The following SYNPR variants were observed in gnomAD, a reference collection of about 807,000 sequenced individuals.
SYNPR encodes the protein synaptoporin.
SYNPR carries 23 observed loss-of-function variants against 32.9 expected under a neutral mutation model. The ratio of observed to expected loss-of-function variants is 0.70; its 90% confidence interval spans 0.50 to 0.99. SYNPR has a LOEUF of 0.99. Among genes scored for constraint, SYNPR ranks in the 50% least tolerant of loss-of-function variants. The pLI is 0.00. For synonymous variants in SYNPR, 146 were observed against 135.9 expected, an observed-to-expected ratio of 1.07 and a Z score of -0.52; for missense variants, 318 against 349.3, an observed-to-expected ratio of 0.91 and a Z score of 0.71.
chr3:63,426,279 A>G (rs1468953879), intron 2 of SYNPR, among the ~76,000 whole-genome samples: 1 of 152,226 alleles, frequency 6.6e-6, no homozygotes, highest in African/African-American at 2.4e-5. Flanking sequence ...ATTGTACCAC[A>G]AATTACTTTC....
At chr3:63,491,497 C>T (rs574131270) in intron 3 of SYNPR, among the ~76,000 whole-genome samples, 2 of 152,152 alleles carry the variant, frequency 1.3e-5, no homozygotes, top group South Asian at 4.2e-4. Context: ...GGCTTTTACA[C>T]TTTTAAAGGT....
chr3:63,311,842 T>C (rs1420755365), intron 2 of SYNPR, among the ~76,000 whole-genome samples: 1 of 152,040 alleles, frequency 6.6e-6, no homozygotes, highest in Admixed American at 6.6e-5. Flanking sequence ...TTATTTTAAA[T>C]TTAATACCCT....
At chr3:63,314,099 C>CCATATATAT in intron 2 of SYNPR, among the ~76,000 whole-genome samples, 1 of 111,246 alleles carries the variant, frequency 9.0e-6, no homozygotes, top group Non-Finnish European at 1.9e-5. Flanking sequence ...ATATATATAT[C>CCATATATAT]ACAGTTTCTT....
chr3:63,511,306 A>G (rs1252592815), intron 3 of SYNPR, among the ~76,000 whole-genome samples: 2 of 152,058 alleles, frequency 1.3e-5, no homozygotes, highest in Non-Finnish European at 2.9e-5. Context: ...AAGAAAGAGG[A>G]GGAGTTCATA....
chr3:63,361,897 G>GAAA (rs1337732859), intron 2 of SYNPR, among the ~76,000 whole-genome samples: 1 of 152,084 alleles, frequency 6.6e-6, no homozygotes, highest in African/African-American at 2.4e-5. Context: ...GGCAACTCCT[G>GAAA]AAAAAATAGC....
In SYNPR at chr3:63,415,990, G is replaced by T. The variant is rs73849117; in HGVS notation, c.85-64842G>T. ...CTGTTACTCTCAGAAAGCAACAGAT[G>T]ATTACAAACAAGGCATCTACTTATT... On this transcript the variant is annotated intron_variant, in intron 2 of 5. Coordinates refer to ENST00000478300, the MANE Select transcript of SYNPR (RefSeq NM_001130003.2). 5.8e-3 allele frequency among the ~76,000 whole-genome samples: 878 copies of T among 152,322 alleles called. 8 individuals are homozygous for T. Among genetic ancestry groups the T allele is most frequent in the African/African-American group, 0.02 (839 of 41,566 alleles).
chr3:63,486,484 C>G (rs1436584832), intron 3 of SYNPR, among the ~76,000 whole-genome samples: 1 of 152,120 alleles, frequency 6.6e-6, no homozygotes, highest in Non-Finnish European at 1.5e-5. Flanking sequence ...TCTTTTTTAC[C>G]TTTTCTGTCT....
chr3:63,295,029 A>T (rs1004016376), intron 2 of SYNPR, among the ~76,000 whole-genome samples: 2 of 152,168 alleles, frequency 1.3e-5, no homozygotes, highest in African/African-American at 4.8e-5. Flanking sequence ...GGCATATCTG[A>T]CTTTTAGACT....
chr3:63,379,934 G>A (rs13085532), intron 2 of SYNPR, among the ~76,000 whole-genome samples: 62,127 of 151,614 alleles, frequency 0.41, 12,827 homozygotes, highest in Middle Eastern at 0.52. Context: ...GAGAACTTGC[G>A]GTGTTTGGTT....
At chr3:63,370,539 T>C (rs1395291648) in intron 2 of SYNPR, among the ~76,000 whole-genome samples, 1 of 152,238 alleles carries the variant, frequency 6.6e-6, no homozygotes, top group Non-Finnish European at 1.5e-5. Flanking sequence ...CAAAAAATTA[T>C]GCTGAAACTT....
intron 2 of SYNPR, among the ~76,000 whole-genome samples, chr3:63,404,324 C>G (rs1441485525): frequency 1.3e-5 from 2 of 152,104 alleles, no homozygotes; most frequent in African/African-American, 2.4e-5. Flanking sequence ...AAGGAAATTA[C>G]AGTGAATAGA....
At chr3:63,597,859 C>G (rs964501993) in intron 4 of SYNPR, among the ~76,000 whole-genome samples, 1 of 152,200 alleles carries the variant, frequency 6.6e-6, no homozygotes, top group Non-Finnish European at 1.5e-5. Context: ...AGAACAGAAA[C>G]TTGTCCTGTC....
intron 3 of SYNPR, among the ~76,000 whole-genome samples, chr3:63,481,795 C>A (rs927695731): frequency 6.6e-6 from 1 of 152,018 alleles, no homozygotes; most frequent in African/African-American, 2.4e-5. Flanking sequence ...AGTGGCCAAG[C>A]CAACGCATGC....
intron 4 of SYNPR, among the ~76,000 whole-genome samples, chr3:63,607,923 C>T (rs528355754): frequency 1.3e-5 from 2 of 152,192 alleles, no homozygotes; most frequent in South Asian, 2.1e-4. Context: ...ACTATGCCCT[C>T]GGGCAGGAAA....
chr3:63,599,733 A>G (rs573752215), intron 4 of SYNPR, among the ~76,000 whole-genome samples: 19 of 152,332 alleles, frequency 1.2e-4, no homozygotes, highest in African/African-American at 4.3e-4. Flanking sequence ...GCCTTGGACA[A>G]CCATCTCCAG....
At chr3:63,358,612 C>T (rs186279912) in intron 2 of SYNPR, among the ~76,000 whole-genome samples, 1 of 120,232 alleles carries the variant, frequency 8.3e-6, no homozygotes, top group Admixed American at 1.0e-4. Context: ...TTCTATATAT[C>T]CTCATAATAC....
chr3:63,300,331 T>TTCTATCTATCTATCTATCTATCTA (rs59249020), intron 2 of SYNPR, among the ~76,000 whole-genome samples: 1,790 of 151,440 alleles, frequency 0.012, 8 homozygotes, highest in Non-Finnish European at 0.013. Context: ...CATTCTTTGC[T>TTCTATCTATCTATCTATCTATCTA]TCTATCTATC....
At chr3:63,304,405 C>G (rs1021398628) in intron 2 of SYNPR, among the ~76,000 whole-genome samples, 1 of 151,282 alleles carries the variant, frequency 6.6e-6, no homozygotes, top group African/African-American at 2.4e-5. Flanking sequence ...AATCACCGGT[C>G]ATTTTTATGT....
At chr3:63,227,994 GA>G (rs2086141698), upstream of SYNPR, among the ~76,000 whole-genome samples, 1 of 152,206 alleles carries the variant, frequency 6.6e-6, no homozygotes, top group African/African-American at 2.4e-5. Context: ...TCCACAGGAA[GA>G]AGTTTGGATT....
Sources: gnomAD v4.1 joint callset for allele counts (sites outside exome capture counted in the v4.1 genomes callset) on GRCh38, gnomAD v4.1.1 for gene constraint, MANE v1.5 for transcripts, NCBI Gene and HGNC (gene_info 2026-07-23, HGNC 2026-07-21) for gene names.